Variants in LCP2 observed in about 807,000 individuals in gnomAD.
The protein encoded by LCP2 is 76 kDa tyrosine phosphoprotein.
Under a neutral mutation model 74.5 loss-of-function variants are expected in LCP2, and 29 were observed. That is an observed-to-expected ratio of 0.39 (90% confidence interval 0.29 to 0.53). The LOEUF (loss-of-function observed/expected upper bound fraction) is 0.53. Ranked by LOEUF, LCP2 falls within the 20% of genes least tolerant of loss-of-function variation. LCP2 has a pLI of 0.72. For missense variants in LCP2, 604 were observed against 634.6 expected (o/e 0.95, Z 0.52); for synonymous variants, 228 against 229.5 (o/e 0.99, Z 0.06).
At chr5:170,260,379 T>C (rs1761631148) in intron 14 of LCP2, among the ~76,000 whole-genome samples, 1 of 152,236 alleles carries the variant, frequency 6.6e-6, no homozygotes, top group African/African-American at 2.4e-5. Context: ...AGCAGGGGTC[T>C]GATGGCCTTC....
chr5:170,275,725 C>G (rs1761995075), intron 4 of LCP2, 70 bp downstream of exon 4: 1 of 1,293,834 alleles, frequency 7.7e-7, no homozygotes, highest in Non-Finnish European at 1.1e-6. Context: ...AAAAACAGTT[C>G]TGTGCCTCCC....
intron 3 of LCP2, among the ~76,000 whole-genome samples, chr5:170,281,686 C>T (rs1013305895): frequency 3.3e-5 from 5 of 152,188 alleles, no homozygotes; most frequent in African/African-American, 2.4e-5. Context: ...TGCCTCAGTA[C>T]GTTGTTTCTG....
At chr5:170,249,536 C>T (rs1019981548) in intron 20 of LCP2, among the ~76,000 whole-genome samples, 2 of 151,994 alleles carry the variant, frequency 1.3e-5, no homozygotes, top group African/African-American at 4.8e-5. Flanking sequence ...ATTTCACCCC[C>T]AGTCATTAAT....
chr5:170,260,185 G>A (rs1761626749), intron 14 of LCP2, among the ~76,000 whole-genome samples: 1 of 152,188 alleles, frequency 6.6e-6, no homozygotes, highest in Non-Finnish European at 1.5e-5. Context: ...CTGGCTCCTT[G>A]AGCCACATGG....
At chr5:170,274,027 T>TGGGCGCA (rs1450594881) in intron 6 of LCP2, 3 of 492,570 alleles carry the variant, frequency 6.1e-6, no homozygotes, top group Non-Finnish European at 1.1e-5. Context: ...TGAAGGTTTA[T>TGGGCGCA]GGGCGCAAAG....
Position 170,258,517 on chromosome 5 carries a change from T to C in LCP2, c.970+349A>G, listed in dbSNP as rs1449687599. On this transcript the variant is annotated intron_variant, in intron 15 of 20. Coordinates refer to ENST00000046794, the MANE Select transcript of LCP2 (RefSeq NM_005565.5). The stretch of plus-strand genomic sequence containing the variant: ...AAGTTTTGTTTTATGAAAGTCAAAA[T>C]TTTATGCTATCTCATTCATTGGCAG... The C allele has an allele frequency of 2.0e-5, 7 of 353,916 alleles. No homozygotes were observed. The East Asian group carries it at 3.1e-4, about 16-fold the overall frequency. The allele number at this position is 353,916 out of a possible 1,614,324, so 21.9% of individuals were successfully genotyped here.
chr5:170,288,624 C>A lies in LCP2; in HGVS notation c.142-608G>T, dbSNP rs202189215. 5.3e-5 allele frequency among the ~76,000 whole-genome samples: 8 copies of A among 152,314 alleles called. No individual in the cohort carries two copies. The East Asian group carries it at 1.5e-3, about 29-fold the overall frequency. ...AACTCTGGGCCTCCACCTCTTAATG[C>A]TTTAGTGAATCCTCACATCAACTCT... On this transcript the variant is annotated intron_variant, in intron 2 of 20. Coordinates refer to ENST00000046794, the MANE Select transcript of LCP2 (RefSeq NM_005565.5).
intron 10 of LCP2, among the ~76,000 whole-genome samples, chr5:170,263,927 GGGAATTT>G (rs1264946747): frequency 6.6e-6 from 1 of 152,296 alleles, no homozygotes; most frequent in East Asian, 1.9e-4. Context: ...CATACAAATT[GGGAATTT>G]TATCACCTCC....
At chr5:170,254,747 A>G (rs970971572) in intron 17 of LCP2, among the ~76,000 whole-genome samples, 6 of 152,246 alleles carry the variant, frequency 3.9e-5, no homozygotes, top group African/African-American at 1.4e-4. Flanking sequence ...CCTGCAGGCC[A>G]GCATCATAGA....
rs142588308 is a variant in LCP2, at chr5:170,247,411, C to G, written c.*1286G>C. On this transcript the variant is annotated 3_prime_UTR_variant, in exon 21 of 21. Transcript: ENST00000046794. ...ACTTCTTAGATTCCTTCCAATACCCCTTTTATTAGCTCATGAAAATGAAGC... is the reference window on the plus strand; with the variant it reads ...ACTTCTTAGATTCCTTCCAATACCCGTTTTATTAGCTCATGAAAATGAAGC... The G allele has an allele frequency of 6.6e-6, 1 of 152,332 alleles. No individual in the cohort carries two copies. Among genetic ancestry groups the G allele is most frequent in the East Asian group, 1.9e-4 (1 of 5,192 alleles). The allele number at this position is 152,332 out of a possible 1,614,324, so 9.4% of individuals were successfully genotyped here. A position where few individuals can be genotyped will look rare whatever the true frequency, so the allele number is the denominator to read the frequency against.
intron 14 of LCP2, among the ~76,000 whole-genome samples, chr5:170,259,205 A>G (rs1226380274): frequency 6.6e-6 from 1 of 152,210 alleles, no homozygotes. Context: ...ATTCATACAC[A>G]AGATTTCATT....
intron 19 of LCP2, chr5:170,252,188 C>G (rs1761459878): frequency 3.0e-6 from 1 of 329,106 alleles, no homozygotes; most frequent in Non-Finnish European, 5.7e-6. Context: ...AATAAAATCT[C>G]CTAAGATGCT....
chr5:170,249,797 C>G (rs1442077929), intron 20 of LCP2, among the ~76,000 whole-genome samples: 1 of 152,192 alleles, frequency 6.6e-6, no homozygotes. Context: ...CCTAGGAACC[C>G]TAACAGGATA....
At position 170,297,566 on chromosome 5, in the gene LCP2, C is replaced by T. The variant is rs765109612; in HGVS notation, c.46G>A (p.Asp16Asn). 6.8e-6 allele frequency: 11 copies of T among 1,613,156 alleles called. No individual in the cohort carries two copies. In the Admixed American group the frequency reaches 1.0e-4, roughly 15 times the overall value. ...VPFRSEVLGW[D>N]PDSLADYFKK... Reference sequence around the variant, plus strand: ...AAATAGTCAGCAAGGCTGTCGGGGTCCCAGCCCAGGACCTCTGAGCGAAAG... The same window carrying T: ...AAATAGTCAGCAAGGCTGTCGGGGTTCCAGCCCAGGACCTCTGAGCGAAAG... Residue 16 changes from aspartate (D) to asparagine (N), a missense_variant, in exon 1 of 21, where the codon GAC becomes AAC. Asp to Asn is a conservative substitution (Grantham distance 23, BLOSUM62 1). Coordinates refer to ENST00000046794, the MANE Select transcript of LCP2 (RefSeq NM_005565.5).
intron 6 of LCP2, among the ~76,000 whole-genome samples, chr5:170,271,864 A>G (rs1477849166): frequency 6.6e-6 from 1 of 152,140 alleles, no homozygotes; most frequent in Admixed American, 6.5e-5. Flanking sequence ...AGAAATCCTG[A>G]CAGCTTTGGG....
chr5:170,250,853 T>A lies in LCP2; in HGVS notation c.1356A>T (p.Lys452Asn). ...DGTFLVRDSSKKTTTNPYVLM... is the reference protein window; with the variant it reads ...DGTFLVRDSSNKTTTNPYVLM... ...GGACATATGGATTGGTTGTTGTTTT[T>A]TTAGAGCTGTCTCTGACCAGAAATG... is the stretch of plus-strand genomic sequence containing the variant. Residue 452 changes from lysine to asparagine, a missense_variant, in exon 20 of 21, where the codon AAA becomes AAT. Coordinates refer to ENST00000046794, the MANE Select transcript of LCP2 (RefSeq NM_005565.5). 1 of 1,613,828 alleles carries A rather than the reference T, an allele frequency of 6.2e-7. No homozygotes were observed. Among genetic ancestry groups the A allele is most frequent in the East Asian group, 2.2e-5 (1 of 44,880 alleles).
In LCP2 at chr5:170,252,507, G is replaced by A. The variant is rs764019944; in HGVS notation, c.1250C>T (p.Ser417Leu). The A allele has an allele frequency of 6.5e-7, 1 of 1,529,508 alleles. No homozygotes were observed. Among genetic ancestry groups the A allele is most frequent in the South Asian group, 1.2e-5 (1 of 85,766 alleles). The allele number at this position is 1,529,508 out of a possible 1,614,324, so 94.7% of individuals were successfully genotyped here. ...AGAAACGTACCACTCTTCATTTAAT[G>A]AATTCTGAAAATGTAAATTTTTAGA... ...RPPSPAEEEN[S>L]LNEEWYVSYI... The change falls in exon 19 of 21, where the codon TCA becomes TTA. Residue 417 changes from serine (S) to leucine (L), a missense_variant. Coordinates refer to ENST00000046794, the MANE Select transcript of LCP2 (RefSeq NM_005565.5).
intron 8 of LCP2, among the ~76,000 whole-genome samples, 193 bp downstream of exon 8, chr5:170,268,191 AC>A (rs1239564179): frequency 2.0e-5 from 3 of 152,202 alleles, no homozygotes; most frequent in Admixed American, 2.0e-4. Context: ...AATAAAAACC[AC>A]CAGTATTTTA....
At chr5:170,275,246 G>T in intron 5 of LCP2, 74 bp downstream of exon 5, 1 of 1,523,020 alleles carries the variant, frequency 6.6e-7, no homozygotes, top group Non-Finnish European at 9.1e-7. Context: ...GGAGCCCCAG[G>T]AACCAGAAAG....
Sources: allele counts gnomAD v4.1 joint callset (sites outside exome capture counted in the v4.1 genomes callset), GRCh38; gene constraint gnomAD v4.1.1; transcripts MANE v1.5; gene names NCBI Gene and HGNC (gene_info 2026-07-23, HGNC 2026-07-21).